Variants in ZYG11B observed in about 807,000 individuals in gnomAD.
ZYG11B encodes the protein protein zyg-11 homolog B.
A neutral mutation model predicts 82.4 loss-of-function variants in ZYG11B; 36 were observed. The observed-to-expected ratio is 0.44, with a 90% CI of 0.33 to 0.58. ZYG11B has a LOEUF of 0.58. ZYG11B is among the 20% of genes least tolerant of loss of function. ZYG11B has a pLI of 0.02. For synonymous variants in ZYG11B, 303 were observed against 312.8 expected, an observed-to-expected ratio of 0.97 and a Z score of 0.33; for missense variants, 552 against 895.6, an observed-to-expected ratio of 0.62 and a Z score of 4.90.
chr1:52,773,302 C>T (rs1644770938), intron 3 of ZYG11B, among the ~76,000 whole-genome samples: 1 of 151,086 alleles, frequency 6.6e-6, no homozygotes, highest in Admixed American at 6.6e-5. Context: ...GGTGAAACCC[C>T]GTCTCTACTA....
intron 3 of ZYG11B, among the ~76,000 whole-genome samples, chr1:52,777,301 G>A (rs902130211): frequency 6.6e-6 from 1 of 152,132 alleles, no homozygotes; most frequent in Admixed American, 6.6e-5. Flanking sequence ...TTCTTCATAT[G>A]TACCCTTGTG....
chr1:52,791,437 C>T (rs1022618472), intron 6 of ZYG11B, among the ~76,000 whole-genome samples: 37 of 151,868 alleles, frequency 2.4e-4, no homozygotes, highest in African/African-American at 8.4e-4. Flanking sequence ...GGCGTGATCT[C>T]GGCTCACTGC....
Position 52,779,775 on chromosome 1 carries a change from C to G in ZYG11B, c.952-78C>G, listed in dbSNP as rs1019539922. 1.9e-6 allele frequency: 3 copies of G among 1,560,532 alleles called. No individual in the cohort carries two copies. The East Asian group carries it at 6.8e-5, about 36-fold the overall frequency. ...AAAGTACTGGGATTACAGGCGTGAG[C>G]CACCGCGCCTGGCCACACATGATAA... On this transcript the variant is annotated intron_variant, in intron 3 of 13. Transcript: ENST00000294353.
intron 10 of ZYG11B, among the ~76,000 whole-genome samples, chr1:52,803,212 A>G (rs1645104659): frequency 1.4e-5 from 1 of 71,566 alleles, no homozygotes; most frequent in Non-Finnish European, 2.0e-5. Flanking sequence ...ATACACACAC[A>G]TATATATATA....
chr1:52,812,208 C>A (rs933288291), intron 10 of ZYG11B, among the ~76,000 whole-genome samples: 2 of 151,900 alleles, frequency 1.3e-5, no homozygotes, highest in Non-Finnish European at 2.9e-5. Flanking sequence ...GGTTATGAAT[C>A]ATATTTTTCT....
chr1:52,772,556 G>A, intron 3 of ZYG11B: 11 of 1,607,946 alleles, frequency 6.8e-6, no homozygotes, highest in South Asian at 3.3e-5. Flanking sequence ...CCTTCACGTC[G>A]TCAGATGTCA....
chr1:52,742,446 T>C lies in ZYG11B; in HGVS notation c.31-14012T>C, dbSNP rs1055319348. Among the ~76,000 whole-genome samples, 13 of 151,174 alleles carry C rather than the reference T, an allele frequency of 8.6e-5. No individual in the cohort carries two copies. In the South Asian group the frequency reaches 1.0e-3, roughly 12 times the overall value. ...CAGCCTGGGTGACAGAGCAAGACCCTGTCTCTAAAAAAAATAAAAGATAGA... is the reference window on the plus strand; with the variant it reads ...CAGCCTGGGTGACAGAGCAAGACCCCGTCTCTAAAAAAAATAAAAGATAGA... On this transcript the variant is annotated intron_variant, in intron 1 of 13. Coordinates refer to ENST00000294353, the MANE Select transcript of ZYG11B (RefSeq NM_024646.3).
chr1:52,780,881 C>T (rs1644850509), intron 4 of ZYG11B, among the ~76,000 whole-genome samples: 1 of 152,174 alleles, frequency 6.6e-6, no homozygotes, highest in African/African-American at 2.4e-5. Flanking sequence ...GACGCAGTGG[C>T]TCACACCTGT....
intron 1 of ZYG11B, among the ~76,000 whole-genome samples, chr1:52,749,850 TC>T (rs1368549515): frequency 6.6e-6 from 1 of 151,926 alleles, no homozygotes; most frequent in Admixed American, 6.6e-5. Context: ...ACCGTGCCCA[TC>T]CTTATCAATT....
intron 3 of ZYG11B, among the ~76,000 whole-genome samples, chr1:52,774,975 T>TAA (rs1182232353): frequency 1.3e-5 from 2 of 152,190 alleles, no homozygotes; most frequent in African/African-American, 4.8e-5. Context: ...GTTCTTAGTC[T>TAA]TCATTTTATT....
chr1:52,805,823 C>G (rs1645137585), intron 10 of ZYG11B, among the ~76,000 whole-genome samples: 1 of 151,856 alleles, frequency 6.6e-6, no homozygotes, highest in Non-Finnish European at 1.5e-5. Flanking sequence ...GAGCAAAACT[C>G]TGTCTCAGAA....
intron 1 of ZYG11B, among the ~76,000 whole-genome samples, chr1:52,727,741 A>G (rs1004116951): frequency 2.6e-5 from 4 of 151,968 alleles, no homozygotes; most frequent in East Asian, 1.9e-4. Flanking sequence ...TATATTTGCA[A>G]ATTTTCTTTC....
rs1645327171 is a variant in ZYG11B at position 52,826,572 on chromosome 1, C to G, written c.*4943C>G. 1 of 152,138 alleles carries G rather than the reference C, an allele frequency of 6.6e-6. No homozygotes were observed. The highest frequency in any genetic ancestry group is 2.1e-4 in the South Asian group (1 of 4,824). 9.4% of individuals were successfully genotyped at this position (152,138 alleles called of 1,614,324 possible). On this transcript the variant is annotated 3_prime_UTR_variant, in exon 14 of 14. Transcript: ENST00000294353. ...CATTCTTTGGTTTCCAAATCTTAAT[C>G]TAAGATACTTTGTTAACTGACTGGT...
intron 2 of ZYG11B, among the ~76,000 whole-genome samples, chr1:52,765,742 A>G (rs1011466224): frequency 1.3e-5 from 2 of 151,880 alleles, no homozygotes; most frequent in Non-Finnish European, 2.9e-5. Context: ...GCCTCGGGTA[A>G]TCCTCTTGTC....
At chr1:52,767,460 AG>A (rs1644707715) in intron 2 of ZYG11B, among the ~76,000 whole-genome samples, 1 of 152,074 alleles carries the variant, frequency 6.6e-6, no homozygotes, top group African/African-American at 2.4e-5. Flanking sequence ...AGGCACCATC[AG>A]GCCTGGCTAA....
intron 10 of ZYG11B, among the ~76,000 whole-genome samples, chr1:52,813,077 T>G (rs570507361): frequency 1.3e-5 from 2 of 152,318 alleles, no homozygotes; most frequent in South Asian, 4.1e-4. Flanking sequence ...AATACTTTGC[T>G]TATTATAAGG....
rs1311234443 is a variant in ZYG11B, at chr1:52,817,771, ATATGTG to A, written c.2044+1146_2044+1151del. On this transcript the variant is annotated intron_variant, in intron 13 of 13. Transcript: ENST00000294353. Reference sequence around the variant, plus strand: ...CACTTTAATAGTAAAGTGTGTATATATATGTGTATATATATATATATATATATATAT... The same window carrying A: ...CACTTTAATAGTAAAGTGTGTATATATATATATATATATATATATATATAT... 2.0e-3 allele frequency among the ~76,000 whole-genome samples: 59 copies of A among 29,246 alleles called. 1 individual carries two copies. The highest frequency in any genetic ancestry group is 0.014 in the African/African-American group (58 of 4,076). 19.2% of individuals were successfully genotyped at this position (29,246 alleles called of 152,430 possible).
chr1:52,803,105 T>TATATATATACACAC (rs1558140022), intron 10 of ZYG11B, among the ~76,000 whole-genome samples: 19 of 90,054 alleles, frequency 2.1e-4, no homozygotes, highest in South Asian at 6.5e-4. Flanking sequence ...TATACATATA[T>TATATATATACACAC]ATATATATAT....
chr1:52,776,229 A>AAAAAAAAAAATATATAT lies in ZYG11B; in HGVS notation c.952-3623_952-3622insAAAAAAAAATATATATA. On this transcript the variant is annotated intron_variant, in intron 3 of 13. Coordinates refer to ENST00000294353, the MANE Select transcript of ZYG11B (RefSeq NM_024646.3). ...AGCAAAACTCTGTCTTAAAAAAAAA[A>AAAAAAAAAAATATATAT]ATATATATATATATATGCAATAAAG... is the stretch of plus-strand genomic sequence containing the variant. 8.1e-4 allele frequency among the ~76,000 whole-genome samples: 19 copies of AAAAAAAAAAATATATAT among 23,538 alleles called. 2 individuals carry two copies. Among genetic ancestry groups the AAAAAAAAAAATATATAT allele is most frequent in the South Asian group, 4.7e-3 (2 of 422 alleles). The allele number at this position is 23,538 out of a possible 152,430, so 15.4% of individuals were successfully genotyped here.
Sources: allele counts gnomAD v4.1 joint callset (sites outside exome capture counted in the v4.1 genomes callset), GRCh38; gene constraint gnomAD v4.1.1; transcripts MANE v1.5; gene names NCBI Gene and HGNC (gene_info 2026-07-23, HGNC 2026-07-21).